Variants in SYT16 observed in about 807,000 individuals in gnomAD.
SYT16 encodes the protein synaptotagmin 16, also known as synaptotagmin-16.
SYT16 carries 42 observed loss-of-function variants against 61.4 expected under a neutral mutation model. The observed-to-expected ratio is 0.68, with a 90% CI of 0.53 to 0.89. The LOEUF is 0.89. SYT16 is among the 40% of genes least tolerant of loss of function. SYT16 has a pLI of 0.00. For missense variants in SYT16, 804 were observed against 807.3 expected (o/e 1.00, Z 0.05); for synonymous variants, 314 against 302.3 (o/e 1.04, Z -0.40).
At chr14:62,061,767 G>C (rs185232951) in intron 3 of SYT16, among the ~76,000 whole-genome samples, 26 of 152,130 alleles carry the variant, frequency 1.7e-4, no homozygotes, top group Non-Finnish European at 2.9e-5. Flanking sequence ...CAAACTAAAA[G>C]GGGAAATAAA....
In SYT16 at chr14:62,081,223, A is replaced by G. The variant is rs35460381; in HGVS notation, c.1383A>G (p.Pro461=). Residue 461 remains proline, a synonymous_variant, in exon 6 of 8, where the codon CCA becomes CCG. Transcript: ENST00000683842. ...TATTCTATCTCAGCCACCTGCACCC[A>G]GAAGGGGAAATGAAAGTGACTCTGG... The part of the protein sequence containing the change: ...EKLFYLSHLH[P]EGEMKVTLVL... 7 of 1,613,980 alleles carry G rather than the reference A, an allele frequency of 4.3e-6. No individual in the cohort carries two copies. The highest frequency in any genetic ancestry group is 4.0e-5 in the African/African-American group (3 of 75,058).
chr14:61,838,716 T>C (rs1352081565), intron 1 of SYT16, among the ~76,000 whole-genome samples: 6 of 152,208 alleles, frequency 3.9e-5, no homozygotes, highest in Non-Finnish European at 7.3e-5. Context: ...TTATTAAAAA[T>C]GGAGTGTGAC....
At chr14:62,036,307 G>A (rs578023568) in intron 3 of SYT16, among the ~76,000 whole-genome samples, 191 of 152,222 alleles carry the variant, frequency 1.3e-3, no homozygotes, top group Non-Finnish European at 2.4e-3. Context: ...AGGTAACCAC[G>A]CATTGGTTGG....
intron 3 of SYT16, among the ~76,000 whole-genome samples, chr14:62,029,732 A>G (rs1227421782): frequency 6.6e-6 from 1 of 151,870 alleles, no homozygotes; most frequent in Non-Finnish European, 1.5e-5. Context: ...TCCAGTCAAT[A>G]GTTCTGTCGC....
intron 1 of SYT16, among the ~76,000 whole-genome samples, chr14:61,843,384 G>A (rs531760893): frequency 3.9e-5 from 6 of 152,192 alleles, no homozygotes; most frequent in Admixed American, 2.0e-4. Flanking sequence ...TGTTTCCTTT[G>A]CTGTACAGAA....
chr14:61,978,162 A>G (rs1022246478), intron 2 of SYT16, among the ~76,000 whole-genome samples: 1 of 152,150 alleles, frequency 6.6e-6, no homozygotes, highest in African/African-American at 2.4e-5. Flanking sequence ...AAATAATATA[A>G]CATGCATAGA....
At chr14:61,942,357 G>A (rs116581318) in intron 1 of SYT16, among the ~76,000 whole-genome samples, 260 of 152,320 alleles carry the variant, frequency 1.7e-3, no homozygotes, top group African/African-American at 6.0e-3. Context: ...TGCTCAGCAA[G>A]CAGTTAAATT....
At chr14:61,868,574 A>T (rs1439467170) in intron 1 of SYT16, among the ~76,000 whole-genome samples, 2 of 151,952 alleles carry the variant, frequency 1.3e-5, no homozygotes, top group African/African-American at 4.8e-5. Context: ...TGGGATATTT[A>T]TAAGTATGTT....
At chr14:61,996,788 A>T (rs2052790224) in intron 3 of SYT16, among the ~76,000 whole-genome samples, 1 of 152,048 alleles carries the variant, frequency 6.6e-6, no homozygotes. Context: ...ATGGTGAAAA[A>T]CGAGTCTGTG....
chr14:61,865,228 T>C (rs1343440062), intron 1 of SYT16: 1 of 1,020,476 alleles, frequency 9.8e-7, no homozygotes, highest in East Asian at 2.4e-5. Flanking sequence ...GGGCACCCCA[T>C]CTGTTGCTGG....
chr14:62,039,046 C>T (rs537012934), intron 3 of SYT16, among the ~76,000 whole-genome samples: 12 of 152,296 alleles, frequency 7.9e-5, no homozygotes, highest in African/African-American at 2.6e-4. Context: ...TGGCAAGTCA[C>T]ACAGCTAACA....
intron 1 of SYT16, among the ~76,000 whole-genome samples, chr14:61,926,974 T>A (rs2049564161): frequency 6.6e-6 from 1 of 152,222 alleles, no homozygotes; most frequent in African/African-American, 2.4e-5. Flanking sequence ...TAATTAGTAA[T>A]CCTGTAACAA....
At chr14:62,080,563 A>G (rs1210149781) in intron 5 of SYT16, among the ~76,000 whole-genome samples, 2 of 152,222 alleles carry the variant, frequency 1.3e-5, no homozygotes, top group African/African-American at 4.8e-5. Context: ...GAGAGGCAGT[A>G]TATATGAAAA....
chr14:61,994,590 G>T (rs2052687319), intron 2 of SYT16, among the ~76,000 whole-genome samples: 1 of 152,152 alleles, frequency 6.6e-6, no homozygotes, highest in Non-Finnish European at 1.5e-5. Flanking sequence ...GAATATAACA[G>T]GGAAGGGAAG....
intron 1 of SYT16, among the ~76,000 whole-genome samples, chr14:61,854,873 G>T (rs2046727594): frequency 6.6e-6 from 1 of 151,522 alleles, no homozygotes; most frequent in South Asian, 2.1e-4. Flanking sequence ...CTTAGCCCAT[G>T]GCATGCACAG....
At chr14:62,042,256 G>T (rs1433618686) in intron 3 of SYT16, among the ~76,000 whole-genome samples, 2 of 152,088 alleles carry the variant, frequency 1.3e-5, no homozygotes, top group Admixed American at 6.6e-5. Context: ...TCCCATGTCG[G>T]CCTCCCAAAG....
chr14:61,853,239 C>T (rs1215929091), intron 1 of SYT16, among the ~76,000 whole-genome samples: 1 of 152,178 alleles, frequency 6.6e-6, no homozygotes, highest in Non-Finnish European at 1.5e-5. Flanking sequence ...TTACTTGTCC[C>T]AAACAGACAG....
At chr14:62,061,601 T>G (rs2055827895) in intron 3 of SYT16, among the ~76,000 whole-genome samples, 2 of 152,200 alleles carry the variant, frequency 1.3e-5, no homozygotes, top group Admixed American at 1.3e-4. Context: ...GCAGTTACAT[T>G]AATATCAGAC....
chr14:61,892,386 C>A (rs1462047118), intron 1 of SYT16, among the ~76,000 whole-genome samples: 1 of 152,094 alleles, frequency 6.6e-6, no homozygotes, highest in Non-Finnish European at 1.5e-5. Flanking sequence ...TCGCTTTGTC[C>A]CCACTGCTCC....
Sources: allele counts gnomAD v4.1 joint callset (sites outside exome capture counted in the v4.1 genomes callset), GRCh38; gene constraint gnomAD v4.1.1; transcripts MANE v1.5; gene names NCBI Gene and HGNC (gene_info 2026-07-23, HGNC 2026-07-21).